MARCHF1: variants seen among roughly 807,000 people sequenced by gnomAD.
MARCHF1 encodes the protein E3 ubiquitin-protein ligase MARCHF1.
Under a neutral mutation model 54.2 loss-of-function variants are expected in MARCHF1, and 40 were observed. The ratio of observed to expected loss-of-function variants is 0.74; its 90% CI spans 0.57 to 0.96. MARCHF1 has a LOEUF of 0.96. Ranked by LOEUF, MARCHF1 falls within the 40% of genes least tolerant of loss-of-function variation. MARCHF1 has a pLI of 0.00. For missense variants in MARCHF1, 586 were observed against 656.5 expected, an observed-to-expected ratio of 0.89 and a Z score of 1.17; for synonymous variants, 236 against 236.3, an observed-to-expected ratio of 1.00 and a Z score of 0.01.
chr4:163,686,582 A>T (rs1744276250), intron 5 of MARCHF1, among the ~76,000 whole-genome samples: 2 of 151,726 alleles, frequency 1.3e-5, no homozygotes, highest in African/African-American at 4.8e-5. Flanking sequence ...ACTATATAAT[A>T]AGCTCTAATT....
chr4:163,668,371 G>A (rs943599126), intron 5 of MARCHF1, among the ~76,000 whole-genome samples: 11 of 152,134 alleles, frequency 7.2e-5, no homozygotes, highest in Non-Finnish European at 2.9e-5. Flanking sequence ...TGGTCTTATA[G>A]GTGAAGTAGA....
At chr4:164,151,686 A>G (rs1445238460) in intron 1 of MARCHF1, among the ~76,000 whole-genome samples, 1 of 152,144 alleles carries the variant, frequency 6.6e-6, no homozygotes, top group East Asian at 1.9e-4. Context: ...GAAGGCACTG[A>G]CTGCTAGCCT....
intron 4 of MARCHF1, among the ~76,000 whole-genome samples, chr4:163,746,844 C>T (rs2110759117): frequency 6.6e-6 from 1 of 152,316 alleles, no homozygotes; most frequent in South Asian, 2.1e-4. Flanking sequence ...CCATCATCCT[C>T]ATCATTGTGT....
At chr4:163,630,649 T>C (rs189451075) in intron 5 of MARCHF1, among the ~76,000 whole-genome samples, 2 of 152,080 alleles carry the variant, frequency 1.3e-5, no homozygotes, top group Non-Finnish European at 2.9e-5. Flanking sequence ...GCAAAATGGA[T>C]TGTGGTGAGA....
chr4:164,107,139 C>G (rs1374893463), intron 2 of MARCHF1, among the ~76,000 whole-genome samples: 5 of 152,144 alleles, frequency 3.3e-5, no homozygotes, highest in Non-Finnish European at 5.9e-5. Flanking sequence ...CTATAACTCT[C>G]TCCAACACGT....
chr4:163,622,275 G>T (rs988137520), intron 5 of MARCHF1, among the ~76,000 whole-genome samples: 1 of 151,950 alleles, frequency 6.6e-6, no homozygotes, highest in East Asian at 1.9e-4. Flanking sequence ...ACTGGCCCCC[G>T]ATCCACCAGC....
chr4:164,222,223 C>A (rs1266054756), intron 1 of MARCHF1, among the ~76,000 whole-genome samples: 1 of 142,530 alleles, frequency 7.0e-6, no homozygotes, highest in Non-Finnish European at 1.5e-5. Context: ...CTGTCAACAC[C>A]TTTTTTTTTT....
chr4:164,175,112 CTTAA>C (rs1367620088), intron 1 of MARCHF1, among the ~76,000 whole-genome samples: 1 of 152,112 alleles, frequency 6.6e-6, no homozygotes, highest in Non-Finnish European at 1.5e-5. Context: ...CTATTTAAGC[CTTAA>C]TTTTCTCATC....
chr4:164,106,952 T>C (rs1324417850), intron 2 of MARCHF1, among the ~76,000 whole-genome samples: 2 of 152,126 alleles, frequency 1.3e-5, no homozygotes, highest in Non-Finnish European at 2.9e-5. Flanking sequence ...AACAACCATA[T>C]GCAGAAGATC....
At chr4:163,956,236 A>G (rs1752230555) in intron 3 of MARCHF1, among the ~76,000 whole-genome samples, 1 of 152,192 alleles carries the variant, frequency 6.6e-6, no homozygotes, top group South Asian at 2.1e-4. Flanking sequence ...TGCTCAAATC[A>G]TAGTCTCAAG....
chr4:164,165,727 T>G (rs1198130264), intron 1 of MARCHF1, among the ~76,000 whole-genome samples: 5 of 151,940 alleles, frequency 3.3e-5, no homozygotes. Context: ...AATACTGGGG[T>G]GGGCATTGAG....
At chr4:163,756,838 T>G (rs1746690142) in intron 4 of MARCHF1, among the ~76,000 whole-genome samples, 1 of 152,108 alleles carries the variant, frequency 6.6e-6, no homozygotes, top group Non-Finnish European at 1.5e-5. Context: ...AATTCTGATA[T>G]TTTGTGATAT....
chr4:164,267,427 C>A (rs1281252681), intron 1 of MARCHF1, among the ~76,000 whole-genome samples: 1 of 152,204 alleles, frequency 6.6e-6, no homozygotes, highest in Non-Finnish European at 1.5e-5. Context: ...TGCCCTCTCA[C>A]TTGAATGAAG....
chr4:163,686,203 G>T (rs1485252560), intron 5 of MARCHF1, among the ~76,000 whole-genome samples: 1 of 114,316 alleles, frequency 8.7e-6, no homozygotes, highest in Non-Finnish European at 2.0e-5. Flanking sequence ...TCAATCTTTT[G>T]TTGTGTTAAT....
At chr4:163,953,955 C>T (rs1357501943) in intron 3 of MARCHF1, among the ~76,000 whole-genome samples, 1 of 152,072 alleles carries the variant, frequency 6.6e-6, no homozygotes, top group East Asian at 1.9e-4. Context: ...TAACGCTTGT[C>T]TTCCATTAAT....
In MARCHF1 at chr4:164,367,522, G is replaced by A. The variant is rs145431925; in HGVS notation, c.-323+16348C>T. Among the ~76,000 whole-genome samples the A allele has an allele frequency of 3.2e-3, 485 of 151,492 alleles. 1 individual carries two copies. The highest frequency in any genetic ancestry group is 0.011 in the African/African-American group (465 of 41,344). On this transcript the variant is annotated intron_variant, in intron 1 of 9. Transcript: ENST00000514618. ...AAAAGTTATTCCTAGAAATAACTTCGTTTTTATACTTTATTGTTTTAATAT... is the reference window on the plus strand; with the variant it reads ...AAAAGTTATTCCTAGAAATAACTTCATTTTTATACTTTATTGTTTTAATAT...
intron 4 of MARCHF1, among the ~76,000 whole-genome samples, chr4:163,821,378 C>G (rs182454653): frequency 3.9e-5 from 6 of 151,986 alleles, no homozygotes; most frequent in Admixed American, 3.9e-4. Context: ...TAGACCATGA[C>G]ATCAATAACC....
chr4:164,088,034 AT>A, intron 2 of MARCHF1, among the ~76,000 whole-genome samples: 1 of 152,170 alleles, frequency 6.6e-6, no homozygotes, highest in Admixed American at 6.5e-5. Flanking sequence ...ATGAATGAGT[AT>A]TAGACAGATG....
intron 4 of MARCHF1, among the ~76,000 whole-genome samples, chr4:163,778,835 C>T (rs950968897): frequency 4.6e-5 from 7 of 151,482 alleles, no homozygotes; most frequent in African/African-American, 1.7e-4. Context: ...GAGTAATAGA[C>T]AATAGAGACT....
Sources: gnomAD v4.1 joint callset for allele counts (sites outside exome capture counted in the v4.1 genomes callset) on GRCh38, gnomAD v4.1.1 for gene constraint, MANE v1.5 for transcripts, NCBI Gene and HGNC (gene_info 2026-07-23, HGNC 2026-07-21) for gene names.